TMEM108: variants seen among roughly 807,000 people sequenced by gnomAD.
TMEM108 encodes the protein transmembrane protein 108, also known as cancer/testis antigen 124.
In TMEM108, 12 loss-of-function variants were observed where a neutral mutation model predicts 35.1. The ratio of observed to expected loss-of-function variants is 0.34; its 90% confidence interval spans 0.22 to 0.55. TMEM108 has a LOEUF of 0.55. Among genes scored for constraint, TMEM108 ranks in the 20% least tolerant of loss-of-function variants. The probability of loss-of-function intolerance (pLI) is 0.89; values close to 1 mark genes in which losing one functional copy is unlikely to be tolerated. For missense variants in TMEM108, 680 were observed against 753.3 expected, an observed-to-expected ratio of 0.90 and a Z score of 1.14; for synonymous variants, 287 against 308.6, an observed-to-expected ratio of 0.93 and a Z score of 0.73.
chr3:133,056,139 C>CT (rs1943463135), intron 2 of TMEM108, among the ~76,000 whole-genome samples: 1 of 118,228 alleles, frequency 8.5e-6, no homozygotes, highest in African/African-American at 3.7e-5. Flanking sequence ...TTCCAGAGTT[C>CT]TATGGTTCCC....
At chr3:133,337,864 A>G (rs7632905) in intron 3 of TMEM108, among the ~76,000 whole-genome samples, 46,540 of 152,096 alleles carry the variant, frequency 0.31, 7,855 homozygotes, top group East Asian at 0.47. Context: ...GATTGAAATA[A>G]TTAAAAACAA....
chr3:133,077,909 G>A (rs1372686567), intron 2 of TMEM108, among the ~76,000 whole-genome samples: 1 of 152,194 alleles, frequency 6.6e-6, no homozygotes, highest in African/African-American at 2.4e-5. Flanking sequence ...GAAACAGGCA[G>A]AGTGTGTCTT....
intron 3 of TMEM108, among the ~76,000 whole-genome samples, chr3:133,312,892 T>A (rs1490266623): frequency 6.6e-6 from 1 of 152,220 alleles, no homozygotes; most frequent in Non-Finnish European, 1.5e-5. Flanking sequence ...TTTTATTGTC[T>A]TAAGAATGAC....
chr3:133,146,364 G>T (rs770016192), intron 2 of TMEM108, among the ~76,000 whole-genome samples: 2 of 152,198 alleles, frequency 1.3e-5, no homozygotes, highest in Non-Finnish European at 2.9e-5. Context: ...GATTAGATTT[G>T]CCAGTATTTT....
intron 2 of TMEM108, among the ~76,000 whole-genome samples, chr3:133,157,350 A>G (rs889978692): frequency 2.0e-5 from 3 of 152,226 alleles, no homozygotes; most frequent in African/African-American, 7.2e-5. Context: ...TGGTCAAGAC[A>G]AAGTTTCTAT....
chr3:133,073,362 G>T (rs1943698041), intron 2 of TMEM108, among the ~76,000 whole-genome samples: 1 of 150,396 alleles, frequency 6.6e-6, no homozygotes. Flanking sequence ...CCACAGGTAA[G>T]TGCGATTATG....
At chr3:133,339,193 C>T (rs2071588933) in intron 3 of TMEM108, among the ~76,000 whole-genome samples, 1 of 151,100 alleles carries the variant, frequency 6.6e-6, no homozygotes, top group Non-Finnish European at 1.5e-5. Context: ...AAAACCAAGA[C>T]CTAATTATCA....
At chr3:133,115,981 C>G (rs566144549) in intron 2 of TMEM108, among the ~76,000 whole-genome samples, 1 of 152,234 alleles carries the variant, frequency 6.6e-6, no homozygotes, top group South Asian at 2.1e-4. Context: ...TAAAGCAATA[C>G]ATGTTATTAG....
At chr3:133,078,900 T>G (rs1253189981) in intron 2 of TMEM108, among the ~76,000 whole-genome samples, 1 of 152,246 alleles carries the variant, frequency 6.6e-6, no homozygotes, top group Non-Finnish European at 1.5e-5. Context: ...TGACATATTA[T>G]TTTGCATGTT....
At position 133,060,760 on chromosome 3, in the gene TMEM108, G is replaced by A. The variant is rs531612968; in HGVS notation, c.-47+14740G>A. 2.0e-5 allele frequency among the ~76,000 whole-genome samples: 3 copies of A among 152,200 alleles called. No homozygotes were observed. In the East Asian group the frequency reaches 5.8e-4, roughly 29 times the overall value. ...TAAAATGTGTGTACACCTTGACCCA[G>A]CAATTCAGCTTCTAGTATTTGTCTA... On this transcript the variant is annotated intron_variant, in intron 2 of 5. Transcript: ENST00000321871.
intron 2 of TMEM108, among the ~76,000 whole-genome samples, chr3:133,148,036 T>C (rs893225976): frequency 6.6e-6 from 1 of 152,240 alleles, no homozygotes; most frequent in African/African-American, 2.4e-5. Context: ...CATATTTGGA[T>C]AGCTAGCTAC....
At chr3:133,074,981 A>AT (rs1189480257) in intron 2 of TMEM108, among the ~76,000 whole-genome samples, 2 of 152,102 alleles carry the variant, frequency 1.3e-5, no homozygotes, top group Non-Finnish European at 2.9e-5. Flanking sequence ...ATTGTGTTGT[A>AT]TTCATGTGTT....
At chr3:133,071,781 A>G (rs980514581) in intron 2 of TMEM108, among the ~76,000 whole-genome samples, 14 of 152,086 alleles carry the variant, frequency 9.2e-5, no homozygotes, top group Admixed American at 2.0e-4. Flanking sequence ...ATCTCATTCT[A>G]TAGGTTATTT....
intron 2 of TMEM108, among the ~76,000 whole-genome samples, chr3:133,068,817 T>G (rs2107687727): frequency 6.6e-6 from 1 of 152,248 alleles, no homozygotes; most frequent in East Asian, 1.9e-4. Flanking sequence ...CCGTTAGTAC[T>G]AAATGCCAAG....
chr3:133,212,825 C>T (rs1221239668), intron 2 of TMEM108, among the ~76,000 whole-genome samples: 1 of 142,266 alleles, frequency 7.0e-6, no homozygotes, highest in East Asian at 2.1e-4. Context: ...CGAAATTGCA[C>T]CACTGCACTC....
chr3:133,128,902 A>G (rs1477176261), intron 2 of TMEM108, among the ~76,000 whole-genome samples: 1 of 152,098 alleles, frequency 6.6e-6, no homozygotes, highest in Non-Finnish European at 1.5e-5. Flanking sequence ...TCTTCCCATA[A>G]TGTCATTTTG....
rs550140000 is a variant in TMEM108 at position 133,086,872 on chromosome 3, C to T, written c.-47+40852C>T. ...TACAACCATGAGATAACATGAGATT[C>T]CATGTCTCACTTCCATGGTTACAGA... On this transcript the variant is annotated intron_variant, in intron 2 of 5. Coordinates refer to ENST00000321871, the MANE Select transcript of TMEM108 (RefSeq NM_023943.4). 2.3e-4 allele frequency among the ~76,000 whole-genome samples: 35 copies of T among 152,302 alleles called. 1 individual carries two copies. In the South Asian group the frequency reaches 7.3e-3, roughly 32 times the overall value.
At chr3:133,218,099 G>A (rs1945935483) in intron 2 of TMEM108, among the ~76,000 whole-genome samples, 1 of 151,902 alleles carries the variant, frequency 6.6e-6, no homozygotes, top group South Asian at 2.1e-4. Context: ...TTCATTAATA[G>A]TTTGTAGTTT....
intron 4 of TMEM108, chr3:133,386,586 ACT>A: frequency 6.8e-7 from 1 of 1,459,980 alleles, no homozygotes; most frequent in Non-Finnish European, 9.0e-7. Context: ...TTAATTCCCA[ACT>A]CTGTTTTAAA....
Sources: allele counts gnomAD v4.1 joint callset (sites outside exome capture counted in the v4.1 genomes callset), GRCh38; gene constraint gnomAD v4.1.1; transcripts MANE v1.5; gene names NCBI Gene and HGNC (gene_info 2026-07-23, HGNC 2026-07-21).